The following TTYH3 variants were observed in gnomAD, a reference collection of about 807,000 sequenced individuals.
TTYH3 encodes tweety family member 3.
TTYH3 carries 23 observed loss-of-function variants against 68.2 expected under a neutral mutation model. The observed-to-expected ratio is 0.34, with a 90% CI of 0.24 to 0.48. The LOEUF is 0.48. Ranked by LOEUF, TTYH3 falls within the 20% of genes least tolerant of loss-of-function variation. The probability of loss-of-function intolerance (pLI) is 0.99; values close to 1 mark genes in which losing one functional copy is unlikely to be tolerated. For missense variants in TTYH3, 768 were observed against 727.7 expected, an observed-to-expected ratio of 1.06 and a Z score of -0.64; for synonymous variants, 360 against 332.8, an observed-to-expected ratio of 1.08 and a Z score of -0.89.
In TTYH3 at chr7:2,663,288, C is replaced by T. The variant is rs544210227; in HGVS notation, c.*1549C>T. 1 of 152,898 alleles carries T rather than the reference C, an allele frequency of 6.5e-6. No individual in the cohort carries two copies. Among genetic ancestry groups the T allele is most frequent in the South Asian group, 2.1e-4 (1 of 4,834 alleles). 9.5% of individuals were successfully genotyped at this position (152,898 alleles called of 1,614,324 possible). ...CCCAGCAGTTTACAGACGCATGGCT[C>T]TTCCTCCCAGAGCAGCCGGCAGCTA... On this transcript the variant is annotated 3_prime_UTR_variant, in exon 14 of 14. Transcript: ENST00000258796.
rs1165980334 is a variant in TTYH3 at position 2,662,003 on chromosome 7, G to A, written c.*264G>A. The A allele has an allele frequency of 1.5e-5, 9 of 588,954 alleles. No homozygotes were observed. The highest frequency in any genetic ancestry group is 6.0e-5 in the South Asian group (3 of 50,308). 36.5% of individuals were successfully genotyped at this position (588,954 alleles called of 1,614,324 possible). A position where few individuals can be genotyped will look rare whatever the true frequency, so the allele number is the denominator to read the frequency against. On this transcript the variant is annotated 3_prime_UTR_variant, in exon 14 of 14. Transcript: ENST00000258796. ...AGCCCTGCACGCCACCCACTATCCCGGCACGCTCCCTCTGCAGATGGTCGC... is the reference window on the plus strand; with the variant it reads ...AGCCCTGCACGCCACCCACTATCCCAGCACGCTCCCTCTGCAGATGGTCGC...
chr7:2,637,035 G>C (rs1785695690), intron 1 of TTYH3, among the ~76,000 whole-genome samples: 1 of 152,084 alleles, frequency 6.6e-6, no homozygotes, highest in Non-Finnish European at 1.5e-5. Context: ...TTCTTGCTCA[G>C]GGTGCTGGCT....
intron 5 of TTYH3, among the ~76,000 whole-genome samples, chr7:2,648,757 G>A (rs1378830012): frequency 6.9e-6 from 1 of 144,844 alleles, no homozygotes; most frequent in Admixed American, 6.7e-5. Flanking sequence ...GTAGGGTGGT[G>A]GGGGGGGGTG....
intron 7 of TTYH3, among the ~76,000 whole-genome samples, chr7:2,651,601 A>G (rs1030808352): frequency 6.6e-6 from 1 of 152,210 alleles, no homozygotes; most frequent in Non-Finnish European, 1.5e-5. Flanking sequence ...CGTAAGTGTG[A>G]GCTCCAGCCT....
At chr7:2,655,677 A>G (rs1452490975) in intron 9 of TTYH3, among the ~76,000 whole-genome samples, 1 of 152,256 alleles carries the variant, frequency 6.6e-6, no homozygotes, top group African/African-American at 2.4e-5. Flanking sequence ...CTCACTCTGC[A>G]TGGAGAGTTT....
At position 2,652,947 on chromosome 7, in the gene TTYH3, G is replaced by A. The variant is rs1296236832; in HGVS notation, c.957G>A (p.Val319=). ...QKLSGSHKAL[V]EMQDVVAELL... ...TGTCGGGCAGCCACAAGGCACTGGT[G>A]GAGATGCAGGATGTCGTGGCTGAGC... is the stretch of plus-strand genomic sequence containing the variant. Residue 319 remains valine (V), a synonymous_variant, in exon 9 of 14, where the codon GTG becomes GTA. Transcript: ENST00000258796. 6.3e-7 allele frequency: 1 copy of A among 1,576,328 alleles called. No homozygotes were observed. Among genetic ancestry groups the A allele is most frequent in the Non-Finnish European group, 8.6e-7 (1 of 1,161,386 alleles).
intron 1 of TTYH3, among the ~76,000 whole-genome samples, chr7:2,634,176 G>A (rs1785597587): frequency 6.6e-6 from 1 of 152,216 alleles, no homozygotes; most frequent in South Asian, 2.1e-4. Context: ...CTCCACTCCC[G>A]GCTCTTGGCG....
At chr7:2,643,354 C>CAAAAAAA (rs34320575) in intron 1 of TTYH3, among the ~76,000 whole-genome samples, 2 of 100,578 alleles carry the variant, frequency 2.0e-5, no homozygotes, top group Non-Finnish European at 4.5e-5. Flanking sequence ...GACTCTGTCT[C>CAAAAAAA]AAAAAAAAAA....
chr7:2,658,821 C>T, intron 12 of TTYH3, 119 bp from the exon 13 acceptor site: 3 of 969,086 alleles, frequency 3.1e-6, no homozygotes, highest in Middle Eastern at 2.2e-4. Flanking sequence ...TTCGTGGGAC[C>T]CCCAGTGAGA....
At chr7:2,659,173 T>A (rs1035645640) in intron 13 of TTYH3, among the ~76,000 whole-genome samples, 158 bp downstream of exon 13, 1 of 152,154 alleles carries the variant, frequency 6.6e-6, no homozygotes, top group African/African-American at 2.4e-5. Flanking sequence ...CCTTCCCAGC[T>A]GGGACCTCTC....
rs993842521 is a variant in TTYH3 at position 2,640,973 on chromosome 7, A to G, written c.124-5880A>G. Among the ~76,000 whole-genome samples, 3 of 152,286 alleles carry G rather than the reference A, an allele frequency of 2.0e-5. No individual in the cohort carries two copies. The South Asian group carries it at 6.2e-4, about 32-fold the overall frequency. ...GCACCGGGTTTGGGCCTGGGTCTCT[A>G]ATATCCTGGGGACATCCTGGAGGAG... On this transcript the variant is annotated intron_variant, in intron 1 of 13. Coordinates refer to ENST00000258796, the MANE Select transcript of TTYH3 (RefSeq NM_025250.3).
intron 1 of TTYH3, among the ~76,000 whole-genome samples, chr7:2,634,143 GGCCTGCCTCCATCCCCCGCC>G (rs1307941276): frequency 2.2e-4 from 33 of 152,192 alleles, no homozygotes; most frequent in Non-Finnish European, 4.0e-4. Context: ...TGTGGAAACC[GGCCTGCCTCCATCCCCCGCC>G]GCCTCCACTC....
intron 9 of TTYH3, among the ~76,000 whole-genome samples, chr7:2,654,635 G>A (rs911528974): frequency 1.3e-5 from 2 of 152,110 alleles, no homozygotes; most frequent in Admixed American, 6.6e-5. Flanking sequence ...GGCAGCCTCC[G>A]CAGCAAACGT....
rs777258967 is a variant in TTYH3 at position 2,658,963 on chromosome 7, A to G, written c.1448A>G (p.Asn483Ser). The G allele has an allele frequency of 6.2e-7, 1 of 1,613,140 alleles. No individual in the cohort carries two copies. The highest frequency in any genetic ancestry group is 8.5e-7 in the Non-Finnish European group (1 of 1,179,638). Residue 483 changes from asparagine (N) to serine (S), a missense_variant, in exon 13 of 14, where the codon AAC (asparagine) becomes AGC (serine). Coordinates refer to ENST00000258796, the MANE Select transcript of TTYH3 (RefSeq NM_025250.3). The stretch of plus-strand genomic sequence containing the variant: ...AGGAGCCAGAACGCTAATTTCCAGA[A>G]CCCCCGCTGTGAGAACACCCCACTC... ...EYMSQNANFQ[N>S]PRCENTPLIG...
chr7:2,661,465 C>G (rs1786494048), intron 13 of TTYH3, among the ~76,000 whole-genome samples: 1 of 152,160 alleles, frequency 6.6e-6, no homozygotes, highest in Non-Finnish European at 1.5e-5. Context: ...CTCCCTCAGC[C>G]TCAGCCAGAC....
chr7:2,653,804 G>A (rs375160648), intron 9 of TTYH3, among the ~76,000 whole-genome samples: 59 of 152,248 alleles, frequency 3.9e-4, no homozygotes, highest in South Asian at 6.2e-4. Context: ...CAGAGATTGC[G>A]GTGAGCGGAG....
intron 1 of TTYH3, among the ~76,000 whole-genome samples, chr7:2,636,364 A>G (rs969059309): frequency 6.6e-6 from 1 of 152,216 alleles, no homozygotes; most frequent in Non-Finnish European, 1.5e-5. Flanking sequence ...AGCGTGAGAC[A>G]GAAGCGTCCC....
Position 2,632,297 on chromosome 7 carries a change from G to T in TTYH3, c.123+19G>T. The T allele has an allele frequency of 6.4e-7, 1 of 1,550,664 alleles. No individual in the cohort carries two copies. The highest frequency in any genetic ancestry group is 8.7e-7 in the Non-Finnish European group (1 of 1,144,196). On this transcript the variant is annotated intron_variant, in intron 1 of 13. Transcript: ENST00000258796. The stretch of plus-strand genomic sequence containing the variant: ...CCAGCAGGTGACATGGGCCTCTCGG[G>T]GTCGCGGGGTCAGGGACCCCAGGTC...
chr7:2,656,413 C>T lies in TTYH3; in HGVS notation c.1129C>T (p.Leu377=), dbSNP rs776725834. 10 of 1,610,854 alleles carry T rather than the reference C, an allele frequency of 6.2e-6. No homozygotes were observed. Among genetic ancestry groups the T allele is most frequent in the Middle Eastern group, 1.7e-4 (1 of 6,044 alleles). Residue 377 remains leucine, a synonymous_variant, in exon 11 of 14, where the codon CTG becomes TTG. Transcript: ENST00000258796. ...ACGGCCTCAGGACTACGTGCAAGCG[C>T]TGACCGGCTTCTGCTATGACGGCGT... ...RSLHLDYVQA[L]TGFCYDGVEG... is the part of the protein sequence containing the mutation.
Sources: gnomAD v4.1 joint callset for allele counts (sites outside exome capture counted in the v4.1 genomes callset) on GRCh38, gnomAD v4.1.1 for gene constraint, MANE v1.5 for transcripts, NCBI Gene and HGNC (gene_info 2026-07-23, HGNC 2026-07-21) for gene names.